Variants in RANBP3 observed in about 807,000 individuals in gnomAD.
The protein encoded by RANBP3 is RAN binding protein 3, also known as ran-binding protein 3.
A neutral mutation model predicts 77.3 loss-of-function variants in RANBP3; 14 were observed. The observed-to-expected ratio is 0.18, with a 90% confidence interval of 0.12 to 0.28. RANBP3 has a LOEUF of 0.28. Ranked by LOEUF, RANBP3 falls within the 10% of genes least tolerant of loss-of-function variation. RANBP3 has a pLI of 1.00. For missense variants in RANBP3, 586 were observed against 752.3 expected, an observed-to-expected ratio of 0.78 and a Z score of 2.59; for synonymous variants, 315 against 312.4, an observed-to-expected ratio of 1.01 and a Z score of -0.09.
At chr19:5,957,322 G>A (rs1463665897) in intron 2 of RANBP3, among the ~76,000 whole-genome samples, 20 of 152,166 alleles carry the variant, frequency 1.3e-4, no homozygotes, top group Non-Finnish European at 2.9e-4. Context: ...CCAGCTCATC[G>A]CCATGAATCA....
chr19:5,932,467 C>T lies in RANBP3; in HGVS notation c.550G>A (p.Ala184Thr), dbSNP rs954074391. Residue 184 changes from alanine to threonine, a missense_variant, in exon 7 of 17, where the codon GCG becomes ACG. Around this residue, in one of 5 missense-constraint regions of RANBP3, gnomAD observed 232 missense variants for 271.7 expected, o/e 0.85. Coordinates refer to ENST00000340578, the MANE Select transcript of RANBP3 (RefSeq NM_007322.3). ...TGTTTCTTACCAGTCTGGGACAGCG[C>T]CTTTGGCTGCGGAGCTTGTAACACT... ...PAVLQAPQPK[A>T]LSQTVPSSGT... 2 of 1,613,890 alleles carry T rather than the reference C, an allele frequency of 1.2e-6. No individual in the cohort carries two copies. The highest frequency in any genetic ancestry group is 1.7e-6 in the Non-Finnish European group (2 of 1,180,000).
intron 3 of RANBP3, among the ~76,000 whole-genome samples, chr19:5,945,100 T>G (rs543520157): frequency 6.6e-6 from 1 of 152,302 alleles, no homozygotes; most frequent in Admixed American, 6.5e-5. Context: ...CTGGGAGTTG[T>G]GTCAGGGACT....
chr19:5,971,373 A>T (rs939242062), intron 1 of RANBP3, among the ~76,000 whole-genome samples: 1 of 151,966 alleles, frequency 6.6e-6, no homozygotes, highest in African/African-American at 2.4e-5. Context: ...TTTGTTGCCC[A>T]GGCTGGCTTT....
intron 2 of RANBP3, among the ~76,000 whole-genome samples, chr19:5,956,516 C>G (rs897181072): frequency 3.3e-5 from 5 of 152,196 alleles, no homozygotes; most frequent in African/African-American, 1.2e-4. Flanking sequence ...TTTCATGTTT[C>G]TGGATTGCTT....
intron 3 of RANBP3, among the ~76,000 whole-genome samples, chr19:5,950,186 C>T (rs7251218): frequency 0.034 from 5,223 of 152,240 alleles, 325 homozygotes; most frequent in African/African-American, 0.12. Flanking sequence ...CTTGCTCTGG[C>T]GGCAGTCACG....
In RANBP3 at chr19:5,918,573, C is replaced by G. The variant is rs188045006; in HGVS notation, c.1396G>C (p.Asp466His). The G allele has an allele frequency of 6.2e-7, 1 of 1,613,684 alleles. No homozygotes were observed. Among genetic ancestry groups the G allele is most frequent in the Non-Finnish European group, 8.5e-7 (1 of 1,179,916 alleles). The part of the protein sequence containing the change: ...NTKLWAQMQI[D>H]KASEKSIRIT... ...CGAATGCTCTTCTCGCTGGCCTTGT[C>G]GATCTGCATCTGGGCCCACAGCTTG... The change falls in exon 15 of 17, where the codon GAC (aspartate) becomes CAC (histidine). Residue 466 changes from aspartate (D) to histidine (H), a missense_variant. Around this residue, in one of 5 missense-constraint regions of RANBP3, gnomAD observed 128 missense variants for 157.0 expected, o/e 0.82. Transcript: ENST00000340578.
At chr19:5,941,905 C>T (rs1334271195) in intron 3 of RANBP3, 70 bp from the exon 4 acceptor site, 5 of 1,567,918 alleles carry the variant, frequency 3.2e-6, no homozygotes, top group Non-Finnish European at 4.4e-6. Context: ...CTCTCGGGGC[C>T]GTAACAAATA....
At chr19:5,920,060 T>C (rs1271193069) in intron 14 of RANBP3, among the ~76,000 whole-genome samples, 3 of 152,050 alleles carry the variant, frequency 2.0e-5, no homozygotes, top group South Asian at 2.1e-4. Flanking sequence ...CTGAAACCCA[T>C]ATTTATGAAA....
In RANBP3 at chr19:5,917,970, T is replaced by C; in HGVS notation, c.1484A>G (p.Lys495Arg). The change falls in exon 16 of 17, where the codon AAG (lysine) becomes AGG (arginine). Residue 495 changes from lysine (K) to arginine (R), a missense_variant. This residue lies in a region of RANBP3 where 128 missense variants were observed against 157.0 expected (regional missense o/e 0.82). Transcript: ENST00000340578. ...GGCTGCATACAACTGACCTGTGTCC[T>C]TGGAGCTGGCCTGGGAAGGGAGGAG... ...VKVFLISASS[K>R]DTGQLYAALH... is the part of the protein sequence containing the mutation. 6.3e-7 allele frequency: 1 copy of C among 1,593,778 alleles called. No homozygotes were observed. The highest frequency in any genetic ancestry group is 8.6e-7 in the Non-Finnish European group (1 of 1,166,422).
Position 5,917,589 on chromosome 19 carries a change from G to A in RANBP3, c.*21C>T, listed in dbSNP as rs1333635533. The A allele has an allele frequency of 4.4e-6, 7 of 1,577,172 alleles. No individual in the cohort carries two copies. The highest frequency in any genetic ancestry group is 2.2e-4 in the Middle Eastern group (1 of 4,490). ...TAGACGGACAAAGCAGCAGCCTGGT[G>A]TGCAGCCGGGCTCCCGGCCGCTATG... On this transcript the variant is annotated 3_prime_UTR_variant, in exon 17 of 17. Transcript: ENST00000340578.
chr19:5,931,399 C>T lies in RANBP3; in HGVS notation c.693+5G>A, dbSNP rs1274634239. On this transcript the variant is annotated splice_donor_5th_base_variant and intron_variant, in intron 8 of 16. Coordinates refer to ENST00000340578, the MANE Select transcript of RANBP3 (RefSeq NM_007322.3). ...CAGCGCTTCCCTGCCTCAGGACCCA[C>T]TGACCTCAAGTGCACACACCTCATC... 2 of 1,605,328 alleles carry T rather than the reference C, an allele frequency of 1.2e-6. No individual in the cohort carries two copies. Among genetic ancestry groups the T allele is most frequent in the Non-Finnish European group, 1.7e-6 (2 of 1,173,768 alleles).
At chr19:5,978,012 G>T in intron 1 of RANBP3, 49 bp downstream of exon 1, 1 of 1,605,040 alleles carries the variant, frequency 6.2e-7, no homozygotes, top group Non-Finnish European at 8.5e-7. Context: ...TAGTCCTCCC[G>T]CCGCCCGTTC....
rs920407060 is a variant in RANBP3, at chr19:5,943,163, C to T, written c.283-1328G>A. ...GCCGCTCCTCCTGGCGCGCTCCCTGCAAGAGCAAGCAGAAAAGCCAATTTT... is the reference window on the plus strand; with the variant it reads ...GCCGCTCCTCCTGGCGCGCTCCCTGTAAGAGCAAGCAGAAAAGCCAATTTT... On this transcript the variant is annotated intron_variant, in intron 3 of 16. Transcript: ENST00000340578. Among the ~76,000 whole-genome samples, 6 of 152,210 alleles carry T rather than the reference C, an allele frequency of 3.9e-5. No individual in the cohort carries two copies. In the South Asian group the frequency reaches 8.3e-4, roughly 21 times the overall value.
At chr19:5,951,328 G>C in intron 3 of RANBP3, 65 bp downstream of exon 3, 1 of 1,430,292 alleles carries the variant, frequency 7.0e-7, no homozygotes, top group Non-Finnish European at 9.6e-7. Context: ...GACCCGAAGG[G>C]AAAGTGGCTG....
At chr19:5,936,143 C>T (rs1333744852) in intron 5 of RANBP3, among the ~76,000 whole-genome samples, 4 of 152,234 alleles carry the variant, frequency 2.6e-5, no homozygotes, top group African/African-American at 9.6e-5. Flanking sequence ...AGACTGTGTG[C>T]ATCAAATGCT....
chr19:5,928,661 C>T (rs1018199305), intron 8 of RANBP3, among the ~76,000 whole-genome samples: 14 of 152,018 alleles, frequency 9.2e-5, no homozygotes, highest in African/African-American at 3.4e-4. Flanking sequence ...AGAGAGAATT[C>T]AAACTACTGA....
intron 5 of RANBP3, among the ~76,000 whole-genome samples, chr19:5,940,473 A>C (rs2058121566): frequency 1.3e-5 from 2 of 152,236 alleles, no homozygotes; most frequent in Non-Finnish European, 2.9e-5. Flanking sequence ...ATGACAGTGT[A>C]ATAGCACTGG....
At chr19:5,957,230 C>T (rs1009975193) in intron 2 of RANBP3, among the ~76,000 whole-genome samples, 9 of 152,164 alleles carry the variant, frequency 5.9e-5, no homozygotes, top group Non-Finnish European at 8.8e-5. Flanking sequence ...GGAGAGAAGC[C>T]GATGGCTTCA....
At chr19:5,938,768 A>C (rs1424169745) in intron 5 of RANBP3, among the ~76,000 whole-genome samples, 1 of 152,212 alleles carries the variant, frequency 6.6e-6, no homozygotes, top group Non-Finnish European at 1.5e-5. Context: ...TAATGTGAGA[A>C]TGCACAAAAA....
Sources: allele counts gnomAD v4.1 joint callset (sites outside exome capture counted in the v4.1 genomes callset), GRCh38; gene constraint gnomAD v4.1.1; regional missense constraint gnomAD v4.1.1; transcripts MANE v1.5; gene names NCBI Gene and HGNC (gene_info 2026-07-23, HGNC 2026-07-21).